USP47: variants seen among roughly 807,000 people sequenced by gnomAD.
USP47 encodes ubiquitin specific peptidase 47.
Under a neutral mutation model 165.1 loss-of-function variants are expected in USP47, and 35 were observed. The observed-to-expected ratio is 0.21, with a 90% CI of 0.16 to 0.28. The LOEUF (loss-of-function observed/expected upper bound fraction) is 0.28. USP47 is among the 10% of genes least tolerant of loss of function. The pLI is 1.00. For missense variants in USP47, 1,277 were observed against 1,607.4 expected (o/e 0.79, Z 3.52); for synonymous variants, 531 against 544.5 (o/e 0.98, Z 0.35).
At position 11,842,045 on chromosome 11, in the gene USP47, G is replaced by A; in HGVS notation, c.-141G>A. The stretch of plus-strand genomic sequence containing the variant: ...CGGTGTCTGCGCGCTGGTGTCTGAG[G>A]CCCAGGCTGAGGCCTCCGCTATTGC... On this transcript the variant is annotated 5_prime_UTR_variant, in exon 1 of 28. Transcript: ENST00000527733. 2 of 1,061,610 alleles carry A rather than the reference G, an allele frequency of 1.9e-6. No homozygotes were observed. Among genetic ancestry groups the A allele is most frequent in the Non-Finnish European group, 2.7e-6 (2 of 740,392 alleles). The allele number at this position is 1,061,610 out of a possible 1,614,324, so 65.8% of individuals were successfully genotyped here.
rs1368377351 is a variant in USP47 at position 11,897,609 on chromosome 11, T to G, written c.509T>G (p.Leu170Arg). Residue 170 changes from leucine (L) to arginine (R), a missense_variant, in exon 5 of 28, where the codon CTA becomes CGA. Leu to Arg is a moderately radical substitution (Grantham distance 102). Around this residue, in one of 4 missense-constraint regions of USP47, gnomAD observed 12 missense variants for 48.8 expected, o/e 0.25. Coordinates refer to ENST00000527733, the MANE Select transcript of USP47 (RefSeq NM_001282659.2). ...TTTCTCTTTAAAGGATATGTGGGAC[T>G]AGTAAACCAAGCAATGACTTGCTAT... ...LNKSETGYVG[L>R]VNQAMTCYLN... 6.2e-7 allele frequency: 1 copy of G among 1,609,098 alleles called. No homozygotes were observed. Among genetic ancestry groups the G allele is most frequent in the African/African-American group, 1.3e-5 (1 of 74,774 alleles).
chr11:11,904,832 T>C (rs1852445696), intron 7 of USP47, among the ~76,000 whole-genome samples: 1 of 152,198 alleles, frequency 6.6e-6, no homozygotes, highest in Non-Finnish European at 1.5e-5. Context: ...GATTATGGTG[T>C]AATATTTCTC....
rs929273717 is a variant in USP47 at position 11,957,935 on chromosome 11, G to A, written c.*1760G>A. 6 of 152,198 alleles carry A rather than the reference G, an allele frequency of 3.9e-5. No homozygotes were observed. The highest frequency in any genetic ancestry group is 1.4e-4 in the African/African-American group (6 of 41,454). The allele number at this position is 152,198 out of a possible 1,614,324, so 9.4% of individuals were successfully genotyped here. ...TTTAGCGAAATTTGACTGAAGTAATGTTCTGAGTTTGCATTAGTGGGATTG... is the reference window on the plus strand; with the variant it reads ...TTTAGCGAAATTTGACTGAAGTAATATTCTGAGTTTGCATTAGTGGGATTG... On this transcript the variant is annotated 3_prime_UTR_variant, in exon 28 of 28. Transcript: ENST00000527733.
intron 3 of USP47, among the ~76,000 whole-genome samples, chr11:11,886,175 A>G (rs1851150482): frequency 6.6e-6 from 1 of 152,196 alleles, no homozygotes; most frequent in African/African-American, 2.4e-5. Flanking sequence ...AAACTCAAAA[A>G]GCCAGAATGC....
intron 1 of USP47, among the ~76,000 whole-genome samples, chr11:11,848,503 A>C (rs1848548599): frequency 6.6e-6 from 1 of 152,186 alleles, no homozygotes; most frequent in South Asian, 2.1e-4. Context: ...GACTATATTT[A>C]CAAAAACAGT....
chr11:11,924,799 G>T (rs1854112735), intron 11 of USP47, among the ~76,000 whole-genome samples: 1 of 151,914 alleles, frequency 6.6e-6, no homozygotes, highest in African/African-American at 2.4e-5. Flanking sequence ...TCCTTTTAAT[G>T]CAGGGATGAA....
intron 5 of USP47, among the ~76,000 whole-genome samples, chr11:11,902,514 T>A (rs1336149012): frequency 6.6e-6 from 1 of 152,214 alleles, no homozygotes; most frequent in Non-Finnish European, 1.5e-5. Flanking sequence ...ATGCCTTTTC[T>A]TGTTAAAGTC....
At chr11:11,857,126 A>T (rs1849092741) in intron 1 of USP47, among the ~76,000 whole-genome samples, 1 of 149,822 alleles carries the variant, frequency 6.7e-6, no homozygotes, top group African/African-American at 2.5e-5. Context: ...ACCTAGTTCC[A>T]GGTTGCATTA....
chr11:11,908,918 T>G (rs1564874506), intron 8 of USP47, among the ~76,000 whole-genome samples: 1 of 152,152 alleles, frequency 6.6e-6, no homozygotes, highest in Non-Finnish European at 1.5e-5. Flanking sequence ...TAAATAGATT[T>G]GGGAAACTAT....
intron 4 of USP47, among the ~76,000 whole-genome samples, chr11:11,892,818 TAAAAAAAAAAAAAAAAG>T (rs1156235148): frequency 2.1e-4 from 17 of 80,196 alleles, no homozygotes; most frequent in African/African-American, 9.3e-4. Flanking sequence ...CTGTCTCAAG[TAAAAAAAAAAAAAAAAG>T]AAAAAGAAAA....
intron 1 of USP47, among the ~76,000 whole-genome samples, chr11:11,848,857 C>T (rs901707727): frequency 2.5e-4 from 38 of 152,176 alleles, no homozygotes; most frequent in African/African-American, 8.7e-4. Flanking sequence ...GATACGCCTG[C>T]CTCGGCCTCC....
intron 8 of USP47, 46 bp downstream of exon 8, chr11:11,905,594 C>G: frequency 6.6e-7 from 1 of 1,526,126 alleles, no homozygotes; most frequent in South Asian, 1.3e-5. Flanking sequence ...ACACAGAATA[C>G]ATAATAGCAC....
rs190657321 is a variant in USP47, at chr11:11,877,227, T to A, written c.40-2950T>A. ...AACAAAAAAATTGTTTTCTTCTCAG[T>A]TCCCAAACTGGAGAGGGGAAAGGAG... On this transcript the variant is annotated intron_variant, in intron 1 of 27. Transcript: ENST00000527733. Among the ~76,000 whole-genome samples the A allele has an allele frequency of 2.6e-4, 40 of 152,286 alleles. 1 individual carries two copies. In the East Asian group the frequency reaches 6.9e-3, roughly 26 times the overall value.
At chr11:11,936,258 A>G in intron 16 of USP47, 45 bp from the exon 17 acceptor site, 1 of 978,570 alleles carries the variant, frequency 1.0e-6, no homozygotes. Flanking sequence ...ATATAAATAT[A>G]TATGTATATA....
At chr11:11,889,915 G>A (rs765169166) in intron 3 of USP47, among the ~76,000 whole-genome samples, 6 of 151,962 alleles carry the variant, frequency 3.9e-5, no homozygotes, top group African/African-American at 4.8e-5. Context: ...ATCTACAACC[G>A]TCTGATCTTC....
intron 1 of USP47, among the ~76,000 whole-genome samples, chr11:11,863,624 T>C (rs1221953317): frequency 6.6e-6 from 1 of 152,194 alleles, no homozygotes; most frequent in Non-Finnish European, 1.5e-5. Flanking sequence ...TGTCAGTATT[T>C]TAGTAGTATT....
rs182296311 is a variant in USP47, at chr11:11,870,197, T to G, written c.40-9980T>G. 5.3e-5 allele frequency among the ~76,000 whole-genome samples: 8 copies of G among 152,222 alleles called. No homozygotes were observed. The East Asian group carries it at 1.5e-3, about 29-fold the overall frequency. On this transcript the variant is annotated intron_variant, in intron 1 of 27. Coordinates refer to ENST00000527733, the MANE Select transcript of USP47 (RefSeq NM_001282659.2). Reference sequence around the variant, plus strand: ...TATATAGCTTTCTTGGTGGCTTCTCTAGGTGTGACATAATGTAAACCAACT... The same window carrying G: ...TATATAGCTTTCTTGGTGGCTTCTCGAGGTGTGACATAATGTAAACCAACT...
At chr11:11,885,583 G>C (rs1362968318) in intron 3 of USP47, among the ~76,000 whole-genome samples, 3 of 152,118 alleles carry the variant, frequency 2.0e-5, no homozygotes, top group African/African-American at 7.2e-5. Context: ...CCAATACACA[G>C]AGCTATGTGG....
At chr11:11,910,287 T>G (rs1386137396) in intron 8 of USP47, among the ~76,000 whole-genome samples, 1 of 152,118 alleles carries the variant, frequency 6.6e-6, no homozygotes, top group Non-Finnish European at 1.5e-5. Context: ...TGGGTTTTCT[T>G]TTTGCCTAAT....
Sources: allele counts gnomAD v4.1 joint callset (sites outside exome capture counted in the v4.1 genomes callset), GRCh38; gene constraint gnomAD v4.1.1; regional missense constraint gnomAD v4.1.1; transcripts MANE v1.5; gene names NCBI Gene and HGNC (gene_info 2026-07-23, HGNC 2026-07-21).